The following P2RY12 variants were observed in gnomAD, a reference collection of about 807,000 sequenced individuals.
The protein encoded by P2RY12 is P2Y purinoceptor 12.
A neutral mutation model predicts 4.5 loss-of-function variants in P2RY12; 3 were observed. That is an observed-to-expected ratio of 0.67 (90% CI 0.31 to 1.74). P2RY12 has a LOEUF of 1.74. P2RY12 is among the 40% of genes most tolerant of loss of function. The pLI is 0.09. For synonymous variants in P2RY12, 148 were observed against 154.1 expected (o/e 0.96, Z 0.29); for missense variants, 356 against 407.8 (o/e 0.87, Z 1.09).
chr3:151,353,188 T>A (rs1157300840), intron 1 of P2RY12, among the ~76,000 whole-genome samples: 1 of 152,204 alleles, frequency 6.6e-6, no homozygotes, highest in African/African-American at 2.4e-5. Flanking sequence ...CTGTTGTTAT[T>A]ATTTGTTTTG....
chr3:151,376,904 A>G (rs775728260), intron 1 of P2RY12: 5 of 1,612,350 alleles, frequency 3.1e-6, no homozygotes, highest in Admixed American at 1.7e-5. Context: ...TTATCTCTGT[A>G]TGAAATTTTA....
At chr3:151,356,716 G>A (rs1753968669) in intron 1 of P2RY12, among the ~76,000 whole-genome samples, 1 of 152,064 alleles carries the variant, frequency 6.6e-6, no homozygotes, top group Non-Finnish European at 1.5e-5. Flanking sequence ...AATAGAGCAT[G>A]TTTTAGGTTA....
rs987898386 is a variant in P2RY12, at chr3:151,377,017, C to G, written c.-180+7675G>C. 5 of 1,613,754 alleles carry G rather than the reference C, an allele frequency of 3.1e-6. No homozygotes were observed. The highest frequency in any genetic ancestry group is 4.2e-6 in the Non-Finnish European group (5 of 1,179,884). On this transcript the variant is annotated intron_variant, in intron 1 of 2. Transcript: ENST00000302632. Reference sequence around the variant, plus strand: ...GCTCTGGTTCTGTGGCCGAAATGAACAACTTACTGGACAATATTGCAAAGG... The same window carrying G: ...GCTCTGGTTCTGTGGCCGAAATGAAGAACTTACTGGACAATATTGCAAAGG...
Position 151,365,897 on chromosome 3 carries a change from C to G in P2RY12, c.-180+18795G>C. On this transcript the variant is annotated intron_variant, in intron 1 of 2. Transcript: ENST00000302632. Reference sequence around the variant, plus strand: ...TCCTCTGAGCTTACGGCTTGCTGCACTGTTCTTAGTTCAGAATGGCTGGGG... The same window carrying G: ...TCCTCTGAGCTTACGGCTTGCTGCAGTGTTCTTAGTTCAGAATGGCTGGGG... 3.1e-6 allele frequency: 5 copies of G among 1,613,514 alleles called. No homozygotes were observed. Among genetic ancestry groups the G allele is most frequent in the Non-Finnish European group, 4.2e-6 (5 of 1,179,640 alleles).
intron 1 of P2RY12, among the ~76,000 whole-genome samples, chr3:151,371,643 C>T (rs1055061296): frequency 2.0e-5 from 3 of 152,022 alleles, no homozygotes; most frequent in Admixed American, 6.6e-5. Flanking sequence ...TTGTTTTGCC[C>T]ACTTGCTGCA....
At position 151,338,755 on chromosome 3, in the gene P2RY12, G is replaced by T. The variant is rs137981161; in HGVS notation, c.91C>A (p.Leu31Ile). The part of the protein sequence containing the change: ...YKITQVLFPL[L>I]YTVLFFVGLI... ...CCAACAAAAAACAGGACAGTGTAGA[G>T]CAGTGGGAAGAGGACCTGGGTGATT... is the stretch of plus-strand genomic sequence containing the variant. Residue 31 changes from leucine (L) to isoleucine (I), a missense_variant, in exon 3 of 3, where the codon CTC (leucine) becomes ATC (isoleucine). Coordinates refer to ENST00000302632, the MANE Select transcript of P2RY12 (RefSeq NM_022788.5). The T allele has an allele frequency of 6.2e-7, 1 of 1,613,180 alleles. No homozygotes were observed. The highest frequency in any genetic ancestry group is 2.2e-5 in the East Asian group (1 of 44,832).
At chr3:151,370,286 A>G (rs1471103565) in intron 1 of P2RY12, among the ~76,000 whole-genome samples, 1 of 152,146 alleles carries the variant, frequency 6.6e-6, no homozygotes. Context: ...AACTTTGGGT[A>G]CCTTCTTTTG....
intron 1 of P2RY12, among the ~76,000 whole-genome samples, chr3:151,384,394 C>T (rs925432728): frequency 1.4e-4 from 22 of 152,074 alleles, no homozygotes; most frequent in African/African-American, 5.3e-4. Flanking sequence ...ATGCACATAA[C>T]CTTGATTATT....
At chr3:151,366,041 G>T (rs1438482829) in intron 1 of P2RY12, 7 of 1,384,546 alleles carry the variant, frequency 5.1e-6, no homozygotes, top group Non-Finnish European at 6.7e-6. Context: ...TAAATATTTA[G>T]TTAGTGGGTA....
In P2RY12 at chr3:151,377,948, G is replaced by A. The variant is rs1025205102; in HGVS notation, c.-180+6744C>T. 16 of 1,458,018 alleles carry A rather than the reference G, an allele frequency of 1.1e-5. No individual in the cohort carries two copies. In the African/African-American group the frequency reaches 2.1e-4, roughly 19 times the overall value. 90.3% of individuals were successfully genotyped at this position (1,458,018 alleles called of 1,614,324 possible). On this transcript the variant is annotated intron_variant, in intron 1 of 2. Transcript: ENST00000302632. ...ATCAAAGTTTCGCTTTGGAGTTTCT[G>A]TTATAACTGTGAGAGCAGGGGAAAG...
intron 1 of P2RY12, among the ~76,000 whole-genome samples, chr3:151,344,074 G>A (rs1324069067): frequency 1.3e-5 from 2 of 151,938 alleles, no homozygotes. Flanking sequence ...AACGAGTCTT[G>A]GGCATTGAAA....
chr3:151,370,752 A>G (rs926362380), intron 1 of P2RY12, among the ~76,000 whole-genome samples: 5 of 152,238 alleles, frequency 3.3e-5, no homozygotes, highest in Non-Finnish European at 5.9e-5. Context: ...AGTGCTCATC[A>G]GAGAAGCTAG....
chr3:151,339,045 T>C (rs535868294), intron 2 of P2RY12, among the ~76,000 whole-genome samples, 186 bp from the exon 3 acceptor site: 1 of 152,304 alleles, frequency 6.6e-6, no homozygotes, highest in South Asian at 2.1e-4. Flanking sequence ...ATATTGCATC[T>C]CTGCTGAAGA....
chr3:151,338,926 T>C lies in P2RY12; in HGVS notation c.-14-67A>G, dbSNP rs551663258. On this transcript the variant is annotated intron_variant, in intron 2 of 2. Coordinates refer to ENST00000302632, the MANE Select transcript of P2RY12 (RefSeq NM_022788.5). ...AGTTATTATTGCTGTTATCTCTGTG[T>C]GTAACTTTTTTGGACACAGCCTCCT... The C allele has an allele frequency of 4.3e-5, 62 of 1,453,458 alleles. 3 individuals are homozygous for C. The highest frequency in any genetic ancestry group is 2.7e-4 in the Admixed American group (15 of 55,004). 90.0% of individuals were successfully genotyped at this position (1,453,458 alleles called of 1,614,324 possible). A position where few individuals can be genotyped will look rare whatever the true frequency, so the allele number is the denominator to read the frequency against.
chr3:151,364,537 G>A (rs1016473153), intron 1 of P2RY12, among the ~76,000 whole-genome samples: 5 of 152,218 alleles, frequency 3.3e-5, no homozygotes, highest in East Asian at 1.9e-4. Flanking sequence ...CTTCTACTGC[G>A]TACACTATAC....
At chr3:151,368,265 A>G in intron 1 of P2RY12, 1 of 1,605,574 alleles carries the variant, frequency 6.2e-7, no homozygotes, top group Non-Finnish European at 8.5e-7. Context: ...AGCTGACTGC[A>G]GAAAAATCTG....
Position 151,371,190 on chromosome 3 carries a change from A to G in P2RY12, c.-180+13502T>C, listed in dbSNP as rs890930181. 6.6e-5 allele frequency among the ~76,000 whole-genome samples: 10 copies of G among 152,148 alleles called. No individual in the cohort carries two copies. In the East Asian group the frequency reaches 1.9e-3, roughly 29 times the overall value. ...TTCTTATTTGCAGAAGCTCTAATTTATCCACCCTACCATGCCCTAACCAAC... is the reference window on the plus strand; with the variant it reads ...TTCTTATTTGCAGAAGCTCTAATTTGTCCACCCTACCATGCCCTAACCAAC... On this transcript the variant is annotated intron_variant, in intron 1 of 2. Transcript: ENST00000302632.
intron 1 of P2RY12, chr3:151,384,083 T>C (rs1484101893): frequency 6.2e-7 from 1 of 1,609,806 alleles, no homozygotes; most frequent in African/African-American, 1.3e-5. Flanking sequence ...TCTTTCTTAG[T>C]GAATTATTCA....
chr3:151,356,082 T>A (rs751207864), intron 1 of P2RY12: 1 of 1,585,860 alleles, frequency 6.3e-7, no homozygotes, highest in South Asian at 1.1e-5. Context: ...GGAAAGCAAA[T>A]CCACCAGGCA....
Sources: gnomAD v4.1 joint callset for allele counts (sites outside exome capture counted in the v4.1 genomes callset) on GRCh38, gnomAD v4.1.1 for gene constraint, MANE v1.5 for transcripts, NCBI Gene and HGNC (gene_info 2026-07-23, HGNC 2026-07-21) for gene names.